The following RGS7 variants were observed in gnomAD, a reference collection of about 807,000 sequenced individuals.
The protein encoded by RGS7 is regulator of G protein signaling 7.
Under a neutral mutation model 81.1 loss-of-function variants are expected in RGS7, and 27 were observed. That is an observed-to-expected ratio of 0.33 (90% confidence interval 0.25 to 0.46). RGS7 has a LOEUF of 0.46. Among genes scored for constraint, RGS7 ranks in the 20% least tolerant of loss-of-function variants. RGS7 has a pLI of 1.00. For synonymous variants in RGS7, 208 were observed against 207.7 expected (o/e 1.00, Z -0.01); for missense variants, 396 against 607.4 (o/e 0.65, Z 3.66).
chr1:241,089,802 G>A (rs2063751062), intron 3 of RGS7, among the ~76,000 whole-genome samples: 1 of 151,922 alleles, frequency 6.6e-6, no homozygotes, highest in African/African-American at 2.4e-5. Flanking sequence ...TCAGGAGATC[G>A]AGACCATCCC....
intron 2 of RGS7, among the ~76,000 whole-genome samples, chr1:241,171,310 G>A (rs2070716691): frequency 6.6e-6 from 1 of 152,132 alleles, no homozygotes; most frequent in South Asian, 2.1e-4. Context: ...GTTGATAGTG[G>A]TCTCTAAAGT....
chr1:240,925,687 T>C (rs2148323428), intron 6 of RGS7, among the ~76,000 whole-genome samples: 1 of 152,342 alleles, frequency 6.6e-6, no homozygotes, highest in East Asian at 1.9e-4. Flanking sequence ...TTTTAGTTCT[T>C]TGAGAAATCT....
chr1:241,239,572 CTG>C (rs2076169178), intron 2 of RGS7, among the ~76,000 whole-genome samples: 1 of 152,152 alleles, frequency 6.6e-6, no homozygotes, highest in Admixed American at 6.5e-5. Context: ...GACAAATGAA[CTG>C]TGTCATACCC....
At chr1:241,153,510 T>C (rs566762570) in intron 2 of RGS7, among the ~76,000 whole-genome samples, 2 of 150,100 alleles carry the variant, frequency 1.3e-5, no homozygotes, top group East Asian at 3.9e-4. Context: ...GGAAGGAAAA[T>C]GTGTAAAGGG....
At chr1:241,155,577 G>GAAAAAAAAAAAAAAAAAAAAAAAAAAAA (rs58091813) in intron 2 of RGS7, among the ~76,000 whole-genome samples, 1 of 116,572 alleles carries the variant, frequency 8.6e-6, no homozygotes. Flanking sequence ...TTGAAAAAAA[G>GAAAAAAAAAAAAAAAAAAAAAAAAAAAA]AAAAAAAAAA....
chr1:240,907,330 A>G (rs1180666814), intron 6 of RGS7, among the ~76,000 whole-genome samples: 1 of 152,146 alleles, frequency 6.6e-6, no homozygotes, highest in Non-Finnish European at 1.5e-5. Context: ...AATAGTATAA[A>G]TCTCCCTTCT....
intron 11 of RGS7, 130 bp downstream of exon 11, chr1:240,816,187 C>T (rs1690763575): frequency 1.4e-6 from 1 of 720,440 alleles, no homozygotes; most frequent in Non-Finnish European, 2.6e-6. Flanking sequence ...CTTTTAACTG[C>T]AAATCTTCCA....
intron 2 of RGS7, among the ~76,000 whole-genome samples, chr1:241,333,888 C>T (rs1489457650): frequency 6.6e-6 from 1 of 151,738 alleles, no homozygotes; most frequent in Non-Finnish European, 1.5e-5. Flanking sequence ...CTTTGTATTT[C>T]CGTATGTTAA....
chr1:240,894,830 G>A (rs1184458195), intron 6 of RGS7, among the ~76,000 whole-genome samples: 3 of 152,028 alleles, frequency 2.0e-5, no homozygotes, highest in Non-Finnish European at 2.9e-5. Context: ...CAGAAGAATA[G>A]GTTTTCTTAT....
At chr1:241,132,841 C>A (rs1341417844) in intron 2 of RGS7, among the ~76,000 whole-genome samples, 1 of 152,176 alleles carries the variant, frequency 6.6e-6, no homozygotes, top group African/African-American at 2.4e-5. Context: ...CGGCTCACTG[C>A]AAGCTCTGCC....
At chr1:240,887,131 T>C (rs535360721) in intron 6 of RGS7, among the ~76,000 whole-genome samples, 1 of 152,350 alleles carries the variant, frequency 6.6e-6, no homozygotes, top group Non-Finnish European at 1.5e-5. Context: ...TATATTGTAC[T>C]TTCAGGTCAC....
In RGS7 at chr1:240,829,146, T is replaced by A. The variant is rs538463142; in HGVS notation, c.610-1974A>T. On this transcript the variant is annotated intron_variant, in intron 9 of 18. Transcript: ENST00000440928. Reference sequence around the variant, plus strand: ...TAAGGAAGTAAATGAGGAAAACATTTTTTTTTGTAGAATATGTATATACTA... The same window carrying A: ...TAAGGAAGTAAATGAGGAAAACATTATTTTTTGTAGAATATGTATATACTA... Among the ~76,000 whole-genome samples, 59 of 152,320 alleles carry A rather than the reference T, an allele frequency of 3.9e-4. 1 individual carries two copies. In the Middle Eastern group the frequency reaches 0.01, roughly 26 times the overall value.
intron 3 of RGS7, among the ~76,000 whole-genome samples, chr1:241,042,434 C>A (rs902693957): frequency 6.6e-6 from 1 of 152,074 alleles, no homozygotes; most frequent in African/African-American, 2.4e-5. Context: ...TGCTTCTCAC[C>A]CTTTATGACA....
At chr1:240,930,820 G>C (rs1439437936) in intron 5 of RGS7, 52 bp from the exon 6 acceptor site, 7 of 1,539,406 alleles carry the variant, frequency 4.5e-6, no homozygotes, top group African/African-American at 1.4e-5. Flanking sequence ...AAAATTAGTG[G>C]AGTTTCTGGC....
At chr1:240,851,465 AGGAGATAATGTT>A (rs1156537633) in intron 9 of RGS7, among the ~76,000 whole-genome samples, 1 of 152,238 alleles carries the variant, frequency 6.6e-6, no homozygotes, top group Non-Finnish European at 1.5e-5. Context: ...GAGATGTACA[AGGAGATAATGTT>A]GTTTTCATAC....
intron 2 of RGS7, among the ~76,000 whole-genome samples, chr1:241,336,144 G>A (rs1362417875): frequency 6.6e-6 from 1 of 152,062 alleles, no homozygotes; most frequent in Non-Finnish European, 1.5e-5. Context: ...AAAATTATCT[G>A]AGGAGTAGAG....
intron 4 of RGS7, among the ~76,000 whole-genome samples, chr1:240,962,266 ATGTGGCTGC>A (rs1345642706): frequency 6.6e-6 from 1 of 151,986 alleles, no homozygotes; most frequent in Non-Finnish European, 1.5e-5. Context: ...GGAGCCCTCT[ATGTGGCTGC>A]TGTCACGCTC....
At chr1:241,278,082 T>C (rs529981364) in intron 2 of RGS7, among the ~76,000 whole-genome samples, 64 of 152,354 alleles carry the variant, frequency 4.2e-4, no homozygotes, top group Middle Eastern at 3.4e-3. Flanking sequence ...CGATGCTTCC[T>C]GCCATATTTT....
chr1:241,156,213 T>A (rs1158784769), intron 2 of RGS7, among the ~76,000 whole-genome samples: 1 of 151,906 alleles, frequency 6.6e-6, no homozygotes, highest in Non-Finnish European at 1.5e-5. Context: ...GATGCTAGGC[T>A]GGGAGTGGTG....
Sources: gnomAD v4.1 joint callset for allele counts (sites outside exome capture counted in the v4.1 genomes callset) on GRCh38, gnomAD v4.1.1 for gene constraint, MANE v1.5 for transcripts, NCBI Gene and HGNC (gene_info 2026-07-23, HGNC 2026-07-21) for gene names.